The following FOXP1 variants were observed in gnomAD, a reference collection of about 807,000 sequenced individuals.
FOXP1 encodes the protein forkhead box protein P1.
FOXP1 carries 15 observed loss-of-function variants against 98.2 expected under a neutral mutation model. That is an observed-to-expected ratio of 0.15 (90% confidence interval 0.10 to 0.24). The LOEUF (loss-of-function observed/expected upper bound fraction) is 0.24. Ranked by LOEUF, FOXP1 falls within the 10% of genes least tolerant of loss-of-function variation. The pLI is 1.00. For synonymous variants in FOXP1, 371 were observed against 314.5 expected, an observed-to-expected ratio of 1.18 and a Z score of -1.90; for missense variants, 633 against 848.5, an observed-to-expected ratio of 0.75 and a Z score of 3.15.
intron 6 of FOXP1, among the ~76,000 whole-genome samples, chr3:71,187,990 C>G (rs1211294780): frequency 6.6e-6 from 1 of 152,130 alleles, no homozygotes; most frequent in Non-Finnish European, 1.5e-5. Context: ...AGAACTACTT[C>G]GTATCATGCA....
At chr3:71,305,475 G>A (rs532088610) in intron 4 of FOXP1, among the ~76,000 whole-genome samples, 18 of 152,262 alleles carry the variant, frequency 1.2e-4, no homozygotes, top group Admixed American at 7.9e-4. Context: ...ACAGACCTTC[G>A]GGGAGGACCC....
chr3:71,458,200 C>T (rs914570317), intron 3 of FOXP1, among the ~76,000 whole-genome samples: 2 of 152,164 alleles, frequency 1.3e-5, no homozygotes, highest in South Asian at 2.1e-4. Context: ...AAAAACATTG[C>T]CCCTCAAGAA....
At chr3:71,389,653 GAT>G (rs1329067555) in intron 3 of FOXP1, among the ~76,000 whole-genome samples, 1 of 152,100 alleles carries the variant, frequency 6.6e-6, no homozygotes. Flanking sequence ...AACCATTAAA[GAT>G]AGAATAATTG....
At chr3:70,971,912 A>C in intron 18 of FOXP1, 1 of 910,490 alleles carries the variant, frequency 1.1e-6, no homozygotes, top group Non-Finnish European at 1.5e-6. Context: ...AAGCTGTGGC[A>C]CTGCTATTGG....
chr3:71,015,878 T>G (rs1358286139), intron 11 of FOXP1, among the ~76,000 whole-genome samples: 1 of 152,206 alleles, frequency 6.6e-6, no homozygotes, highest in Non-Finnish European at 1.5e-5. Flanking sequence ...GAAATGTACA[T>G]CTATGTATGA....
intron 5 of FOXP1, among the ~76,000 whole-genome samples, chr3:71,231,160 A>C (rs1311367795): frequency 2.6e-5 from 4 of 152,234 alleles, no homozygotes; most frequent in African/African-American, 9.6e-5. Context: ...ATTTGGTTTA[A>C]AATAGCTTCT....
At chr3:71,235,104 G>A (rs1223033753) in intron 5 of FOXP1, among the ~76,000 whole-genome samples, 1 of 144,920 alleles carries the variant, frequency 6.9e-6, no homozygotes, top group Non-Finnish European at 1.5e-5. Context: ...GCTCATTCCA[G>A]TGAAGGCTTC....
intron 3 of FOXP1, among the ~76,000 whole-genome samples, chr3:71,452,846 G>T (rs948248763): frequency 6.6e-6 from 1 of 152,160 alleles, no homozygotes; most frequent in African/African-American, 2.4e-5. Context: ...CCCAATGGAT[G>T]AAATGAACAA....
At chr3:71,569,479 T>C (rs2047164300) in intron 2 of FOXP1, among the ~76,000 whole-genome samples, 1 of 152,228 alleles carries the variant, frequency 6.6e-6, no homozygotes, top group East Asian at 1.9e-4. Flanking sequence ...ATGCATACAA[T>C]GGAAGAGCAA....
rs189112133 is a variant in FOXP1 at position 70,954,732 on chromosome 3, G to A, written c.*4515C>T. On this transcript the variant is annotated 3_prime_UTR_variant, in exon 21 of 21. Coordinates refer to ENST00000649528, the MANE Select transcript of FOXP1 (RefSeq NM_001349338.3). ...CTTTTACTACCAGCGTGAACAACCA[G>A]CATTTTTATTGCATTTGAGAATGCT... 3.4e-4 allele frequency: 78 copies of A among 226,640 alleles called. No individual in the cohort carries two copies. In the East Asian group the frequency reaches 4.9e-3, roughly 14 times the overall value. 14.0% of individuals were successfully genotyped at this position (226,640 alleles called of 1,614,324 possible). A position where few individuals can be genotyped will look rare whatever the true frequency, so the allele number is the denominator to read the frequency against.
intron 5 of FOXP1, among the ~76,000 whole-genome samples, chr3:71,238,984 A>C (rs114563275): frequency 0.016 from 2,492 of 152,334 alleles, 30 homozygotes; most frequent in Middle Eastern, 0.051. Flanking sequence ...CAATCAGGAA[A>C]TATTTCTTCA....
chr3:70,990,197 A>T (rs2040391499), intron 13 of FOXP1, among the ~76,000 whole-genome samples: 1 of 152,230 alleles, frequency 6.6e-6, no homozygotes, highest in South Asian at 2.1e-4. Context: ...TTGTTTGGTT[A>T]GTGAAAACTA....
intron 4 of FOXP1, among the ~76,000 whole-genome samples, chr3:71,313,301 C>T (rs565811712): frequency 2.6e-5 from 4 of 151,588 alleles, no homozygotes; most frequent in African/African-American, 7.3e-5. Flanking sequence ...CCTCATGATC[C>T]GTCCGCCTCT....
intron 19 of FOXP1, chr3:70,966,276 A>C: frequency 1.7e-6 from 1 of 573,796 alleles, no homozygotes; most frequent in Admixed American, 2.6e-5. Flanking sequence ...AGGGGGGACC[A>C]AGTGCCTGTG....
At chr3:71,546,341 A>T (rs2045358070) in intron 2 of FOXP1, among the ~76,000 whole-genome samples, 1 of 152,166 alleles carries the variant, frequency 6.6e-6, no homozygotes, top group South Asian at 2.1e-4. Context: ...AAGAATAAAG[A>T]TTTGCTCATT....
chr3:71,396,457 G>A (rs9310214), intron 3 of FOXP1, among the ~76,000 whole-genome samples: 3,099 of 152,178 alleles, frequency 0.02, 118 homozygotes, highest in African/African-American at 0.07. Flanking sequence ...AACTGACCCA[G>A]TTGCAGAGCC....
intron 3 of FOXP1, among the ~76,000 whole-genome samples, chr3:71,405,583 T>C (rs957339203): frequency 2.0e-5 from 3 of 152,116 alleles, no homozygotes; most frequent in African/African-American, 7.2e-5. Context: ...TCCACAGATT[T>C]AGGCCCTAAA....
At chr3:71,213,460 C>A (rs996746800) in intron 5 of FOXP1, among the ~76,000 whole-genome samples, 1 of 152,146 alleles carries the variant, frequency 6.6e-6, no homozygotes, top group Non-Finnish European at 1.5e-5. Context: ...TTTCAAAATA[C>A]AGAGCTAAAG....
chr3:71,110,324 G>GA (rs2057807813), intron 7 of FOXP1, among the ~76,000 whole-genome samples: 1 of 152,168 alleles, frequency 6.6e-6, no homozygotes, highest in Non-Finnish European at 1.5e-5. Context: ...CAATACTGAA[G>GA]AGCAGTGTGA....
Sources: allele counts gnomAD v4.1 joint callset (sites outside exome capture counted in the v4.1 genomes callset), GRCh38; gene constraint gnomAD v4.1.1; transcripts MANE v1.5; gene names NCBI Gene and HGNC (gene_info 2026-07-23, HGNC 2026-07-21).